The following ATN1 variants were observed in gnomAD, a reference collection of about 807,000 sequenced individuals.
ATN1 encodes atrophin-1.
In ATN1, 19 loss-of-function variants were observed where a neutral mutation model predicts 85.8. The ratio of observed to expected loss-of-function variants is 0.22; its 90% confidence interval spans 0.15 to 0.32. The LOEUF (loss-of-function observed/expected upper bound fraction) is 0.32, where lower values mean the gene tolerates loss of function less well. Ranked by LOEUF, ATN1 falls within the 10% of genes least tolerant of loss-of-function variation. ATN1 has a pLI of 1.00. For missense variants in ATN1, 1,453 were observed against 1,564.5 expected, an observed-to-expected ratio of 0.93 and a Z score of 1.20; for synonymous variants, 674 against 657.0, an observed-to-expected ratio of 1.03 and a Z score of -0.39.
In ATN1 at chr12:6,937,707, A is replaced by C. The variant is rs981177103; in HGVS notation, c.2295-138A>C. The C allele has an allele frequency of 1.4e-6, 2 of 1,441,026 alleles. No individual in the cohort carries two copies. The highest frequency in any genetic ancestry group is 2.1e-4 in the Middle Eastern group (1 of 4,708). 89.3% of individuals were successfully genotyped at this position (1,441,026 alleles called of 1,614,324 possible). ...TCTCCTCCGTCCAGGCCTAGTGGCC[A>C]GTGAGGCCCGCAGCAGCTCACAGCC... On this transcript the variant is annotated intron_variant, in intron 5 of 9. Transcript: ENST00000396684. The surrounding 1 kb of genome is among the most constrained non-coding windows in gnomAD (Gnocchi z 6.0).
chr12:6,940,476 C>T (rs149322565), intron 7 of ATN1, among the ~76,000 whole-genome samples: 56 of 152,214 alleles, frequency 3.7e-4, no homozygotes, highest in African/African-American at 1.3e-3. Flanking sequence ...CCATCTTGGC[C>T]AGGCTGGTCT....
chr12:6,935,879 A>T lies in ATN1; in HGVS notation c.612A>T (p.Arg204=). 1 of 1,613,450 alleles carries T rather than the reference A, an allele frequency of 6.2e-7. No homozygotes were observed. The change falls in exon 5 of 10, where the codon CGA becomes CGT. Residue 204 remains arginine, a synonymous_variant. Transcript: ENST00000396684. This position sits in a 1 kb window ranked among gnomAD's most constrained non-coding sequence, Gnocchi z 5.3. ...YHAPMEPPTS[R]MFQAPPGAPP... is the part of the protein sequence containing the mutation. ...CTCCCATGGAGCCCCCCACATCTCG[A>T]ATGTTCCAGGCTCCTCCTGGGGCCC...
intron 7 of ATN1, among the ~76,000 whole-genome samples, chr12:6,939,638 A>T (rs1246039403): frequency 1.3e-5 from 2 of 152,090 alleles, no homozygotes; most frequent in African/African-American, 4.8e-5. Context: ...AGTAGCTGGG[A>T]TTACAGGCGT....
Position 6,938,061 on chromosome 12 carries a change from C to CG in ATN1, c.2511_2512insG (p.Ser838GlufsTer27). 6.5e-7 allele frequency: 1 copy of CG among 1,543,888 alleles called. No individual in the cohort carries two copies. Among genetic ancestry groups the CG allele is most frequent in the East Asian group, 2.5e-5 (1 of 40,812 alleles). ...GCGAGAAGGAGCGCGAGCTTGAACG[C>CG]AGCGTGGTGAGTGCGTCACTGCCTG... On this transcript the variant is annotated frameshift_variant, in exon 6 of 10. Coordinates refer to ENST00000396684, the MANE Select transcript of ATN1 (RefSeq NM_001940.4). LOFTEE classifies it high-confidence loss of function.
Position 6,936,423 on chromosome 12 carries a change from T to G in ATN1, c.1156T>G (p.Ser386Ala), listed in dbSNP as rs1555143666. 6.2e-7 allele frequency: 1 copy of G among 1,612,588 alleles called. No homozygotes were observed. The highest frequency in any genetic ancestry group is 1.3e-5 in the African/African-American group (1 of 74,626). Residue 386 changes from serine to alanine, a missense_variant, in exon 5 of 10, where the codon TCC becomes GCC. Coordinates refer to ENST00000396684, the MANE Select transcript of ATN1 (RefSeq NM_001940.4). Reference protein sequence around the residue: ...SSSSSSSAAASSSSSSSSSSA... With the variant: ...SSSSSSSAAAASSSSSSSSSA... ...CTCTAGTAGTAGCTCTGCAGCAGCC[T>G]CCTCTTCCAGTTCTTCCTCCTCTTC...
Position 6,937,935 on chromosome 12 carries a change from G to T in ATN1, c.2385G>T (p.Lys795Asn), listed in dbSNP as rs782775116. Residue 795 changes from lysine to asparagine, a missense_variant, in exon 6 of 10, where the codon AAG (lysine) becomes AAT (asparagine). Lys to Asn is a moderately conservative substitution (Grantham distance 94, BLOSUM62 0). Transcript: ENST00000396684. The surrounding 1 kb of genome is among the most constrained non-coding windows in gnomAD (Gnocchi z 6.0). ...VPLEGSKLAK[K>N]RADLVEKVRR... ...TGGAGGGCTCCAAGCTGGCCAAGAAGCGGGCCGACCTGGTGGAGAAGGTGC... is the reference window on the plus strand; with the variant it reads ...TGGAGGGCTCCAAGCTGGCCAAGAATCGGGCCGACCTGGTGGAGAAGGTGC... 4 of 1,590,256 alleles carry T rather than the reference G, an allele frequency of 2.5e-6. No individual in the cohort carries two copies. Among genetic ancestry groups the T allele is most frequent in the Non-Finnish European group, 8.6e-7 (1 of 1,168,992 alleles).
Position 6,936,422 on chromosome 12 carries a change from C to G in ATN1, c.1155C>G (p.Ala385=). Residue 385 remains alanine, a synonymous_variant, in exon 5 of 10, where the codon GCC becomes GCG. Transcript: ENST00000396684. ...YSSSSSSSAA[A]SSSSSSSSSS... is the part of the protein sequence containing the mutation. ...CCTCTAGTAGTAGCTCTGCAGCAGC[C>G]TCCTCTTCCAGTTCTTCCTCCTCTT... 6.2e-7 allele frequency: 1 copy of G among 1,613,096 alleles called. No individual in the cohort carries two copies. Among genetic ancestry groups the G allele is most frequent in the Non-Finnish European group, 8.5e-7 (1 of 1,179,842 alleles).
Position 6,941,110 on chromosome 12 carries a change from T to G in ATN1, c.3358+87T>G. 1 of 1,516,106 alleles carries G rather than the reference T, an allele frequency of 6.6e-7. No homozygotes were observed. The highest frequency in any genetic ancestry group is 8.9e-7 in the Non-Finnish European group (1 of 1,118,192). 93.9% of individuals were successfully genotyped at this position (1,516,106 alleles called of 1,614,324 possible). A position where few individuals can be genotyped will look rare whatever the true frequency, so the allele number is the denominator to read the frequency against. On this transcript the variant is annotated intron_variant, in intron 8 of 9. Coordinates refer to ENST00000396684, the MANE Select transcript of ATN1 (RefSeq NM_001940.4). The surrounding 1 kb of genome is among the most constrained non-coding windows in gnomAD (Gnocchi z 5.9). ...GTGGGGGGATGGGCCTAGTTGGGCT[T>G]GGGGAGGGATGAGGAGGTGCCTAGA...
Position 6,940,900 on chromosome 12 carries a change from C to G in ATN1, c.3235C>G (p.Leu1079Val), listed in dbSNP as rs1555144539. The G allele has an allele frequency of 1.9e-6, 3 of 1,614,222 alleles. No individual in the cohort carries two copies. The highest frequency in any genetic ancestry group is 8.5e-7 in the Non-Finnish European group (1 of 1,180,048). Reference protein sequence around the residue: ...IHAASASVHPLIDPLASGSHL... With the variant: ...IHAASASVHPVIDPLASGSHL... ...TCCAGCCTCTGCCTCGGTGCACCCT[C>G]TCATTGACCCCCTGGCCTCAGGGTC... The change falls in exon 8 of 10, where the codon CTC becomes GTC. Residue 1079 changes from leucine (L) to valine (V), a missense_variant. By Grantham distance (32) the Leu-to-Val change is conservative. Transcript: ENST00000396684.
At position 6,936,049 on chromosome 12, in the gene ATN1, C is replaced by T; in HGVS notation, c.782C>T (p.Ser261Leu). Residue 261 changes from serine (S) to leucine (L), a missense_variant, in exon 5 of 10, where the codon TCA becomes TTA. By Grantham distance (145) the Ser-to-Leu change is moderately radical (BLOSUM62 -2). Around this residue, in one of 6 missense-constraint regions of ATN1, gnomAD observed 990 missense variants for 914.8 expected, o/e 1.08. Coordinates refer to ENST00000396684, the MANE Select transcript of ATN1 (RefSeq NM_001940.4). ...CACCCCCCACCCACTACTCCCATTT[C>T]AGTATCAAGCTCTGGGGCTAGTGGT... ...KQHPPPTTPISVSSSGASGAP... is the reference protein window; with the variant it reads ...KQHPPPTTPILVSSSGASGAP... The T allele has an allele frequency of 2.5e-6, 4 of 1,571,784 alleles. No homozygotes were observed. The highest frequency in any genetic ancestry group is 3.4e-6 in the Non-Finnish European group (4 of 1,159,810).
In ATN1 at chr12:6,936,073, G is replaced by A. The variant is rs1555143570; in HGVS notation, c.806G>A (p.Gly269Asp). The change falls in exon 5 of 10, where the codon GGT becomes GAT. Residue 269 changes from glycine to aspartate, a missense_variant. Coordinates refer to ENST00000396684, the MANE Select transcript of ATN1 (RefSeq NM_001940.4). Reference sequence around the variant, plus strand: ...TCAGTATCAAGCTCTGGGGCTAGTGGTGCTCCCCCAACAAAGCCGCCTACC... The same window carrying A: ...TCAGTATCAAGCTCTGGGGCTAGTGATGCTCCCCCAACAAAGCCGCCTACC... ...PISVSSSGAS[G>D]APPTKPPTTP... is the part of the protein sequence containing the mutation. The A allele has an allele frequency of 6.5e-7, 1 of 1,538,372 alleles. No homozygotes were observed. The highest frequency in any genetic ancestry group is 8.7e-7 in the Non-Finnish European group (1 of 1,143,782).
Position 6,941,635 on chromosome 12 carries a change from G to A in ATN1, c.3539+81G>A, listed in dbSNP as rs112159607. 3,061 of 1,593,108 alleles carry A rather than the reference G, an allele frequency of 1.9e-3. 21 individuals carry two copies. The Middle Eastern group carries it at 0.04, about 21-fold the overall frequency. ...TGTGGGCATGGTACGGCTGGGCACC[G>A]TGCTCCTGGGGGAGGGAACCCCTCC... On this transcript the variant is annotated intron_variant, in intron 9 of 9. Coordinates refer to ENST00000396684, the MANE Select transcript of ATN1 (RefSeq NM_001940.4). This position sits in a 1 kb window ranked among gnomAD's most constrained non-coding sequence, Gnocchi z 5.9.
Position 6,937,093 on chromosome 12 carries a change from C to T in ATN1, c.1826C>T (p.Thr609Ile), listed in dbSNP as rs1945553056. 2.5e-6 allele frequency: 4 copies of T among 1,612,776 alleles called. No individual in the cohort carries two copies. The highest frequency in any genetic ancestry group is 2.5e-6 in the Non-Finnish European group (3 of 1,180,018). Residue 609 changes from threonine (T) to isoleucine (I), a missense_variant, in exon 5 of 10, where the codon ACC becomes ATC. Thr to Ile is a moderately conservative substitution (Grantham distance 89, BLOSUM62 -1). Around this residue, in one of 6 missense-constraint regions of ATN1, gnomAD observed 990 missense variants for 914.8 expected, o/e 1.08. Transcript: ENST00000396684. This position sits in a 1 kb window ranked among gnomAD's most constrained non-coding sequence, Gnocchi z 6.0. ...YPFPPVPTVTTSSATLSTVIA... is the reference protein window; with the variant it reads ...YPFPPVPTVTISSATLSTVIA... ...TTCCCACCGGTGCCTACGGTCACCA[C>T]CTCTTCGGCTACCCTTTCCACGGTC...
chr12:6,937,483 G>A lies in ATN1; in HGVS notation c.2216G>A (p.Ser739Asn). 1 of 1,545,840 alleles carries A rather than the reference G, an allele frequency of 6.5e-7. No individual in the cohort carries two copies. The highest frequency in any genetic ancestry group is 8.7e-7 in the Non-Finnish European group (1 of 1,147,116). Residue 739 changes from serine to asparagine, a missense_variant, in exon 5 of 10, where the codon AGC becomes AAC. Transcript: ENST00000396684. The surrounding 1 kb of genome is among the most constrained non-coding windows in gnomAD (Gnocchi z 6.0). ...EPAEEYETPE[S>N]PVPPARSPSP... ...GCTGAGGAGTATGAGACCCCCGAGAGCCCGGTGCCCCCAGCCCGCAGCCCC... is the reference window on the plus strand; with the variant it reads ...GCTGAGGAGTATGAGACCCCCGAGAACCCGGTGCCCCCAGCCCGCAGCCCC...
intron 1 of ATN1, among the ~76,000 whole-genome samples, chr12:6,930,739 T>TGAGCC (rs1235155170): frequency 1.3e-5 from 2 of 152,036 alleles, no homozygotes; most frequent in African/African-American, 2.4e-5. Flanking sequence ...GAGCTTGCAG[T>TGAGCC]GAGCCGAGCC....
At chr12:6,930,256 A>AT (rs1161887112) in intron 1 of ATN1, among the ~76,000 whole-genome samples, 1 of 152,214 alleles carries the variant, frequency 6.6e-6, no homozygotes, top group East Asian at 1.9e-4. Flanking sequence ...TCTGGGCTGC[A>AT]TTGTTATCTA....
At position 6,935,469 on chromosome 12, in the gene ATN1, G is replaced by T. The variant is rs1678041732; in HGVS notation, c.280-78G>T. The T allele has an allele frequency of 1.4e-6, 2 of 1,411,612 alleles. No individual in the cohort carries two copies. Among genetic ancestry groups the T allele is most frequent in the Admixed American group, 2.3e-5 (1 of 43,230 alleles). The allele number at this position is 1,411,612 out of a possible 1,614,324, so 87.4% of individuals were successfully genotyped here. On this transcript the variant is annotated intron_variant, in intron 4 of 9. Transcript: ENST00000396684. This position sits in a 1 kb window ranked among gnomAD's most constrained non-coding sequence, Gnocchi z 5.3. ...ACAACAGTGTGCTGTGAGGGGAAAT[G>T]ATTTTATGCAAGAGAGCCCCAAATC...
chr12:6,938,281 C>T (rs1421291424), intron 6 of ATN1, among the ~76,000 whole-genome samples, 200 bp from the exon 7 acceptor site: 1 of 152,222 alleles, frequency 6.6e-6, no homozygotes, highest in Non-Finnish European at 1.5e-5. Context: ...TGGGAAAAGG[C>T]ATGCTCAGAT....
intron 7 of ATN1, among the ~76,000 whole-genome samples, chr12:6,939,486 C>T (rs372513068): frequency 9.2e-5 from 14 of 152,188 alleles, no homozygotes; most frequent in African/African-American, 3.4e-4. Context: ...TTCTCCCAAG[C>T]CCTTCACAAA....
Sources: allele counts gnomAD v4.1 joint callset (sites outside exome capture counted in the v4.1 genomes callset), GRCh38; gene constraint gnomAD v4.1.1; regional missense constraint gnomAD v4.1.1; non-coding constraint Gnocchi (gnomAD v3.1); transcripts MANE v1.5; gene names NCBI Gene and HGNC (gene_info 2026-07-23, HGNC 2026-07-21).